Variants in RPGRIP1 observed in about 807,000 individuals in gnomAD.
RPGRIP1 encodes RPGR interacting protein 1, also known as X-linked retinitis pigmentosa GTPase regulator-interacting protein 1.
In RPGRIP1, 128 loss-of-function variants were observed where a neutral mutation model predicts 157.9. The observed-to-expected ratio is 0.81, with a 90% CI of 0.70 to 0.94. RPGRIP1 has a LOEUF of 0.94. Ranked by LOEUF, RPGRIP1 falls within the 40% of genes least tolerant of loss-of-function variation. RPGRIP1 has a pLI of 0.00. For missense variants in RPGRIP1, 1,486 were observed against 1,545.8 expected, an observed-to-expected ratio of 0.96 and a Z score of 0.65; for synonymous variants, 554 against 571.6, an observed-to-expected ratio of 0.97 and a Z score of 0.44.
Position 21,326,478 on chromosome 14 carries a change from G to A in RPGRIP1, c.2710+305G>A, listed in dbSNP as rs188972238. ...TCTTTGTTTTTTGAGATGGAGTTTC[G>A]CTCTTGTTGCCCAGGCTAGTAGCTG... On this transcript the variant is annotated intron_variant, in intron 17 of 24. Transcript: ENST00000400017. 3.0e-3 allele frequency among the ~76,000 whole-genome samples: 454 copies of A among 151,980 alleles called. 1 individual carries two copies. Among genetic ancestry groups the A allele is most frequent in the Admixed American group, 4.5e-3 (69 of 15,262 alleles).
chr14:21,301,677 A>AAAT (rs1232971998), intron 4 of RPGRIP1, among the ~76,000 whole-genome samples: 1,996 of 127,544 alleles, frequency 0.016, 21 homozygotes, highest in Non-Finnish European at 0.025. Flanking sequence ...CTCTGTCTCA[A>AAAT]AATAATAATA....
chr14:21,313,331 G>A (rs1881618400), intron 10 of RPGRIP1, among the ~76,000 whole-genome samples: 1 of 132,822 alleles, frequency 7.5e-6, no homozygotes, highest in Admixed American at 8.3e-5. Context: ...GTGAGACCCT[G>A]TTCTCCACAA....
intron 3 of RPGRIP1, among the ~76,000 whole-genome samples, chr14:21,296,195 G>A (rs967626667): frequency 1.3e-5 from 2 of 150,768 alleles, no homozygotes; most frequent in Admixed American, 1.3e-4. Flanking sequence ...TCCGCCTCCC[G>A]GATTCAAGCG....
chr14:21,296,661 A>G (rs1436134250), intron 3 of RPGRIP1, among the ~76,000 whole-genome samples: 1 of 151,874 alleles, frequency 6.6e-6, no homozygotes, highest in Non-Finnish European at 1.5e-5. Context: ...AATTTATTAG[A>G]AATAGTATTA....
At chr14:21,318,117 T>C (rs1402517228) in intron 11 of RPGRIP1, 1 of 605,954 alleles carries the variant, frequency 1.7e-6, no homozygotes, top group South Asian at 1.5e-5. Flanking sequence ...TTTGTTTGTT[T>C]GTTTTTGAGG....
chr14:21,342,537 C>G (rs1416419195), intron 21 of RPGRIP1, among the ~76,000 whole-genome samples: 1 of 142,220 alleles, frequency 7.0e-6, no homozygotes, highest in African/African-American at 2.6e-5. Context: ...AAGCAAGACT[C>G]TGTCTCAAAA....
rs539083010 is a variant in RPGRIP1 at position 21,306,112 on chromosome 14, C to CTT, written c.801-1583_801-1582dup. Among the ~76,000 whole-genome samples the CTT allele has an allele frequency of 2.9e-3, 128 of 44,826 alleles. 42 individuals carry two copies. Among genetic ancestry groups the CTT allele is most frequent in the African/African-American group, 4.3e-3 (48 of 11,212 alleles). 29.4% of individuals were successfully genotyped at this position (44,826 alleles called of 152,430 possible). On this transcript the variant is annotated intron_variant, in intron 6 of 24. Transcript: ENST00000400017. ...AGCTCCTAGGTTCAGGAATAATAGT[C>CTT]TTTTTTTTTTTTTTTTTTTTTTTTT...
At chr14:21,286,181 G>A (rs1015625776) in intron 1 of RPGRIP1, among the ~76,000 whole-genome samples, 1 of 152,012 alleles carries the variant, frequency 6.6e-6, no homozygotes, top group Non-Finnish European at 1.5e-5. Context: ...AGTGGAGACA[G>A]GGTTTCACCA....
rs188312873 is a variant in RPGRIP1 at position 21,343,157 on chromosome 14, C to G, written c.3461C>G (p.Ser1154Trp). 39 of 1,613,636 alleles carry G rather than the reference C, an allele frequency of 2.4e-5. 1 individual carries two copies. The African/African-American group carries it at 3.7e-4, about 15-fold the overall frequency. Residue 1154 changes from serine to tryptophan, a missense_variant, in exon 22 of 25, where the codon TCG (serine) becomes TGG (tryptophan). Transcript: ENST00000400017. ...VEYKFYDLPL[S>W]ETETPVSLRK... is the part of the protein sequence containing the mutation. Reference sequence around the variant, plus strand: ...TACAAATTCTACGACCTACCCTTGTCGGAGACAGAGACTCCAGTGTCCCTA... The same window carrying G: ...TACAAATTCTACGACCTACCCTTGTGGGAGACAGAGACTCCAGTGTCCCTA...
chr14:21,343,866 GTTTTTTTTTTTTTTTTTTTTTTTTT>G (rs67535379), intron 22 of RPGRIP1, among the ~76,000 whole-genome samples: 7 of 50,422 alleles, frequency 1.4e-4, no homozygotes, highest in East Asian at 1.6e-3. Flanking sequence ...CTCTTTTCCT[GTTTTTTTTTTTTTTTTTTTTTTTTT>G]TTTTTTTTTT....
chr14:21,332,617 G>A (rs1437227809), intron 20 of RPGRIP1, among the ~76,000 whole-genome samples: 1 of 152,048 alleles, frequency 6.6e-6, no homozygotes, highest in Admixed American at 6.6e-5. Context: ...ATTTCTTCAG[G>A]TATTTGATTG....
rs535463503 is a variant in RPGRIP1 at position 21,343,366 on chromosome 14, T to C, written c.3532+138T>C. 3.3e-5 allele frequency: 23 copies of C among 693,996 alleles called. No individual in the cohort carries two copies. The South Asian group carries it at 4.7e-4, about 14-fold the overall frequency. The allele number at this position is 693,996 out of a possible 1,614,324, so 43.0% of individuals were successfully genotyped here. On this transcript the variant is annotated intron_variant, in intron 22 of 24. Transcript: ENST00000400017. The stretch of plus-strand genomic sequence containing the variant: ...TTTATTGTTCAAAGTGTTGTGTGCA[T>C]GTGGTTTAAAAACATCGAATGGGGC...
chr14:21,304,439 G>T (rs947864151), intron 6 of RPGRIP1, among the ~76,000 whole-genome samples: 4 of 137,224 alleles, frequency 2.9e-5, no homozygotes, highest in African/African-American at 1.1e-4. Flanking sequence ...AAGAAAGAAA[G>T]AAAGAAATTA....
At chr14:21,323,427 GAA>G (rs1007106147) in intron 14 of RPGRIP1, among the ~76,000 whole-genome samples, 2 of 134,292 alleles carry the variant, frequency 1.5e-5, no homozygotes, top group African/African-American at 5.5e-5. Context: ...GTCTCAAAAA[GAA>G]AAAAAAAAAA....
At chr14:21,309,479 T>C (rs1369095231) in intron 7 of RPGRIP1, among the ~76,000 whole-genome samples, 4 of 152,040 alleles carry the variant, frequency 2.6e-5, no homozygotes, top group Non-Finnish European at 5.9e-5. Flanking sequence ...GAGATCCCGA[T>C]ACGGCACCTC....
chr14:21,295,698 A>C (rs1219470811), intron 3 of RPGRIP1, among the ~76,000 whole-genome samples: 2 of 150,546 alleles, frequency 1.3e-5, no homozygotes, highest in African/African-American at 2.4e-5. Context: ...CTGGTCTTGA[A>C]CTCTTGACCT....
At chr14:21,347,466 A>T (rs1885683189) in intron 23 of RPGRIP1, among the ~76,000 whole-genome samples, 1 of 152,222 alleles carries the variant, frequency 6.6e-6, no homozygotes. Context: ...GTTACAAATG[A>T]ATATTGCCTA....
chr14:21,308,924 A>G (rs1171533988), intron 7 of RPGRIP1, among the ~76,000 whole-genome samples: 2 of 152,180 alleles, frequency 1.3e-5, no homozygotes, highest in Non-Finnish European at 2.9e-5. Context: ...GAAGGGCGCC[A>G]TGATGTTCTA....
chr14:21,312,030 G>A (rs765571124), intron 9 of RPGRIP1, 60 bp downstream of exon 9: 36 of 1,463,326 alleles, frequency 2.5e-5, no homozygotes, highest in East Asian at 4.6e-5. Context: ...GTTAGAATGT[G>A]TATCTTAGCA....
Sources: allele counts gnomAD v4.1 joint callset (sites outside exome capture counted in the v4.1 genomes callset), GRCh38; gene constraint gnomAD v4.1.1; transcripts MANE v1.5; gene names NCBI Gene and HGNC (gene_info 2026-07-23, HGNC 2026-07-21).